The following CNIH3 variants were observed in gnomAD, a reference collection of about 807,000 sequenced individuals.
The protein encoded by CNIH3 is cornichon family AMPA receptor auxiliary protein 3, also known as protein cornichon homolog 3.
Under a neutral mutation model 24.1 loss-of-function variants are expected in CNIH3, and 14 were observed. That is an observed-to-expected ratio of 0.58 (90% CI 0.38 to 0.91). The LOEUF (loss-of-function observed/expected upper bound fraction) is 0.91. Among genes scored for constraint, CNIH3 ranks in the 40% least tolerant of loss-of-function variants. CNIH3 has a pLI of 0.00. For synonymous variants in CNIH3, 68 were observed against 73.8 expected (o/e 0.92, Z 0.40); for missense variants, 178 against 196.8 (o/e 0.90, Z 0.57).
chr1:224,588,385 G>A (rs1681599532), exon 6 of CNIH3: 2 of 152,096 alleles, frequency 1.3e-5, no homozygotes, highest in South Asian at 2.1e-4. Context: ...ACATGCATAC[G>A]GCAGGAGTGT....
At chr1:224,465,375 C>A (rs1676112982) in intron 1 of CNIH3, among the ~76,000 whole-genome samples, 1 of 152,160 alleles carries the variant, frequency 6.6e-6, no homozygotes. Flanking sequence ...TCCCAAAGTG[C>A]TAGGATTACC....
At chr1:224,698,507 C>A (rs1476679045) in intron 3 of CNIH3, among the ~76,000 whole-genome samples, 1 of 152,192 alleles carries the variant, frequency 6.6e-6, no homozygotes, top group Non-Finnish European at 1.5e-5. Flanking sequence ...GCAGGGTGTA[C>A]TGATAAATGA....
rs948971060 is a variant in CNIH3 at position 224,457,287 on chromosome 1, G to C, written n.203+22425G>C. ...CTCCTCTCTCTCTCTGTGTGTGTGT[G>C]TGTGTGTGTGTGTGTGTGTGTGTGT... On this transcript the variant is annotated intron_variant and non_coding_transcript_variant, in intron 1 of 5. Coordinates refer to the CNIH3 transcript ENST00000471578. 1.9e-3 allele frequency among the ~76,000 whole-genome samples: 290 copies of C among 151,302 alleles called. 1 individual carries two copies. In the Middle Eastern group the frequency reaches 0.031, roughly 16 times the overall value.
chr1:224,676,137 A>G (rs1218664212), intron 1 of CNIH3, among the ~76,000 whole-genome samples: 1 of 152,258 alleles, frequency 6.6e-6, no homozygotes, highest in African/African-American at 2.4e-5. Context: ...TCGTTTGTAC[A>G]ATGGAATACT....
chr1:224,631,240 T>A (rs903749521), intron 1 of CNIH3, among the ~76,000 whole-genome samples: 2 of 152,188 alleles, frequency 1.3e-5, no homozygotes, highest in African/African-American at 4.8e-5. Flanking sequence ...TGATTCCCTT[T>A]TCACTGGATC....
chr1:224,460,060 A>G (rs1675844952), intron 1 of CNIH3, among the ~76,000 whole-genome samples: 1 of 151,896 alleles, frequency 6.6e-6, no homozygotes, highest in African/African-American at 2.4e-5. Flanking sequence ...TACTTTTTGT[A>G]GAGACAGGGT....
intron 3 of CNIH3, among the ~76,000 whole-genome samples, chr1:224,699,112 T>C (rs546085660): frequency 6.6e-6 from 1 of 152,314 alleles, no homozygotes; most frequent in African/African-American, 2.4e-5. Context: ...TCCACATCTT[T>C]GAGTTTTTCA....
intron 1 of CNIH3, among the ~76,000 whole-genome samples, chr1:224,454,692 A>G (rs1434832203): frequency 6.6e-6 from 1 of 152,140 alleles, no homozygotes; most frequent in East Asian, 1.9e-4. Flanking sequence ...GTTCACATCA[A>G]TGATTTCCTT....
chr1:224,690,946 C>T (rs960487698), intron 3 of CNIH3, among the ~76,000 whole-genome samples: 3 of 152,186 alleles, frequency 2.0e-5, no homozygotes, highest in African/African-American at 7.2e-5. Context: ...ACAGCTCTGT[C>T]TTACGGAGGA....
In CNIH3 at chr1:224,663,447, G is replaced by A. The variant is rs555915243; in HGVS notation, c.82-17511G>A. Among the ~76,000 whole-genome samples, 15 of 152,286 alleles carry A rather than the reference G, an allele frequency of 9.8e-5. No individual in the cohort carries two copies. The South Asian group carries it at 2.3e-3, about 23-fold the overall frequency. Reference sequence around the variant, plus strand: ...GTGTCCAAACTGAAATAGTTGGGGTGCTTTCCTCTCTTGGTTGGGCTTGTT... The same window carrying A: ...GTGTCCAAACTGAAATAGTTGGGGTACTTTCCTCTCTTGGTTGGGCTTGTT... On this transcript the variant is annotated intron_variant, in intron 1 of 5. Transcript: ENST00000272133.
intron 3 of CNIH3, among the ~76,000 whole-genome samples, chr1:224,693,697 G>A (rs1256018488): frequency 1.3e-5 from 2 of 152,230 alleles, no homozygotes; most frequent in Admixed American, 6.5e-5. Context: ...GGGGCAAAGG[G>A]TGTGGATATT....
chr1:224,488,686 T>C (rs1677127098), intron 1 of CNIH3, among the ~76,000 whole-genome samples: 1 of 152,190 alleles, frequency 6.6e-6, no homozygotes, highest in Admixed American at 6.5e-5. Context: ...CAGACTAGTC[T>C]CAAACACCTG....
intron 1 of CNIH3, among the ~76,000 whole-genome samples, chr1:224,678,808 AG>A (rs1000710220): frequency 1.3e-5 from 2 of 152,260 alleles, no homozygotes; most frequent in Admixed American, 6.5e-5. Flanking sequence ...ATTAATTAAA[AG>A]TTTAAGCTTT....
chr1:224,506,383 ACT>A (rs1677919765), intron 1 of CNIH3, among the ~76,000 whole-genome samples: 1 of 152,102 alleles, frequency 6.6e-6, no homozygotes. Flanking sequence ...TTCCGTTTTT[ACT>A]GTCTTCCCTC....
chr1:224,566,446 T>C (rs781339306), intron 4 of CNIH3, among the ~76,000 whole-genome samples: 7 of 152,064 alleles, frequency 4.6e-5, no homozygotes, highest in Non-Finnish European at 1.0e-4. Context: ...TAGGTATACA[T>C]GTGCCATGGT....
chr1:224,446,830 T>A (rs1463326999), intron 1 of CNIH3, among the ~76,000 whole-genome samples: 1 of 152,094 alleles, frequency 6.6e-6, no homozygotes, highest in African/African-American at 2.4e-5. Flanking sequence ...AAGAGTCTCC[T>A]GGGCAGAACT....
At chr1:224,492,568 T>C (rs780820977) in intron 1 of CNIH3, among the ~76,000 whole-genome samples, 5 of 152,254 alleles carry the variant, frequency 3.3e-5, no homozygotes, top group African/African-American at 4.8e-5. Context: ...ATAAAATCTA[T>C]TAATATATTC....
chr1:224,621,910 G>T (rs564134058), intron 1 of CNIH3, among the ~76,000 whole-genome samples: 58 of 152,012 alleles, frequency 3.8e-4, no homozygotes, highest in African/African-American at 1.2e-3. Context: ...GGGGGATGGG[G>T]TTTTTTTTGT....
At chr1:224,533,387 C>CAAAA (rs146941595) in intron 2 of CNIH3, among the ~76,000 whole-genome samples, 50 of 103,390 alleles carry the variant, frequency 4.8e-4, no homozygotes, top group African/African-American at 1.2e-3. Context: ...GAACCCGTCT[C>CAAAA]AAAAAAAAAA....
Sources: gnomAD v4.1 joint callset for allele counts (sites outside exome capture counted in the v4.1 genomes callset) on GRCh38, gnomAD v4.1.1 for gene constraint, MANE v1.5 for transcripts, NCBI Gene and HGNC (gene_info 2026-07-23, HGNC 2026-07-21) for gene names.